FAM193A: variants seen among roughly 807,000 people sequenced by gnomAD.
FAM193A encodes protein FAM193A.
Under a neutral mutation model 126.5 loss-of-function variants are expected in FAM193A, and 22 were observed. The observed-to-expected ratio is 0.17, with a 90% CI of 0.12 to 0.25. The LOEUF (loss-of-function observed/expected upper bound fraction) is 0.25, where lower values mean the gene tolerates loss of function less well. FAM193A is among the 10% of genes least tolerant of loss of function. The probability of loss-of-function intolerance (pLI) is 1.00; values close to 1 mark genes in which losing one functional copy is unlikely to be tolerated. For missense variants in FAM193A, 1,675 were observed against 1,672.8 expected (o/e 1.00, Z -0.02); for synonymous variants, 761 against 646.8 (o/e 1.18, Z -2.68).
chr4:2,639,521 A>T lies in FAM193A; in HGVS notation c.1039-214A>T, dbSNP rs1327559714. Among the ~76,000 whole-genome samples, 3 of 151,874 alleles carry T rather than the reference A, an allele frequency of 2.0e-5. 1 individual carries two copies. Among genetic ancestry groups the T allele is most frequent in the Admixed American group, 2.0e-4 (3 of 15,232 alleles). On this transcript the variant is annotated intron_variant, in intron 5 of 20. Coordinates refer to ENST00000637812, the MANE Select transcript of FAM193A (RefSeq NM_001366318.2). ...CCATTTTAGAGGGGAGATGTGCTGA[A>T]ATCCATGTCCGTGTAGTCAGAGTTC...
At chr4:2,729,722 C>T (rs1721167158) in intron 20 of FAM193A, among the ~76,000 whole-genome samples, 1 of 152,178 alleles carries the variant, frequency 6.6e-6, no homozygotes, top group Admixed American at 6.5e-5. Flanking sequence ...GCCATGCTCC[C>T]ACCACAGCCT....
chr4:2,647,002 G>T (rs1289445319), intron 7 of FAM193A, among the ~76,000 whole-genome samples, 170 bp downstream of exon 7: 1 of 152,258 alleles, frequency 6.6e-6, no homozygotes, highest in Admixed American at 6.5e-5. Flanking sequence ...TTCCGGAAGG[G>T]ATGGGAAACC....
chr4:2,591,636 T>C (rs184289135), intron 1 of FAM193A, among the ~76,000 whole-genome samples: 1 of 152,338 alleles, frequency 6.6e-6, no homozygotes, highest in Admixed American at 6.5e-5. Flanking sequence ...ACCTTTTTTC[T>C]TCATGTTTAT....
rs61731409 is a variant in FAM193A, at chr4:2,662,949, C to T, written c.1857C>T (p.Ser619=). Residue 619 remains serine (S), a synonymous_variant, in exon 11 of 21, where the codon AGC becomes AGT. Coordinates refer to ENST00000637812, the MANE Select transcript of FAM193A (RefSeq NM_001366318.2). ...TGGCCAACATGAATGGAATCCACAG[C>T]GAATTGAATGGTGGCGGGGAAAACA... ...EVVANMNGIH[S]ELNGGGENMA... The T allele has an allele frequency of 7.3e-5, 118 of 1,613,226 alleles. No homozygotes were observed. Among genetic ancestry groups the T allele is most frequent in the South Asian group, 2.6e-4 (24 of 91,054 alleles).
intron 1 of FAM193A, among the ~76,000 whole-genome samples, chr4:2,560,976 C>G (rs1482932877): frequency 1.3e-5 from 2 of 152,112 alleles, no homozygotes; most frequent in African/African-American, 2.4e-5. Flanking sequence ...TGGCACATGA[C>G]TGTGATATCC....
intron 1 of FAM193A, among the ~76,000 whole-genome samples, chr4:2,560,674 A>T (rs531771153): frequency 2.5e-4 from 38 of 152,304 alleles, no homozygotes; most frequent in African/African-American, 8.9e-4. Flanking sequence ...TGCAGAATTT[A>T]TGTGTAGTAC....
In FAM193A at chr4:2,608,072, G is replaced by C. The variant is rs927054224; in HGVS notation, c.501+11743G>C. On this transcript the variant is annotated intron_variant, in intron 2 of 20. Transcript: ENST00000637812. Reference sequence around the variant, plus strand: ...CATAAATTGCAGAGTGTAAGGTGAAGCCGGCCTGATTCACTCCCAGATTAG... The same window carrying C: ...CATAAATTGCAGAGTGTAAGGTGAACCCGGCCTGATTCACTCCCAGATTAG... The C allele has an allele frequency of 3.1e-6, 5 of 1,609,608 alleles. No individual in the cohort carries two copies. The African/African-American group carries it at 6.7e-5, about 22-fold the overall frequency.
chr4:2,599,065 C>G (rs1741040041), intron 2 of FAM193A, among the ~76,000 whole-genome samples: 1 of 152,188 alleles, frequency 6.6e-6, no homozygotes, highest in Admixed American at 6.5e-5. Context: ...AGGAGAAAGG[C>G]ATGTTTCCTT....
At chr4:2,644,305 C>T (rs1402519213) in intron 6 of FAM193A, among the ~76,000 whole-genome samples, 1 of 152,044 alleles carries the variant, frequency 6.6e-6, no homozygotes, top group African/African-American at 2.4e-5. Context: ...CCAGGAGGAG[C>T]GGGACAAGGA....
intron 5 of FAM193A, among the ~76,000 whole-genome samples, chr4:2,636,859 C>T (rs958744603): frequency 5.9e-5 from 9 of 152,206 alleles, no homozygotes; most frequent in African/African-American, 2.2e-4. Flanking sequence ...TTCTGAACAG[C>T]ACCCCCATTC....
chr4:2,670,023 G>C (rs1312511383), intron 12 of FAM193A, among the ~76,000 whole-genome samples: 1 of 152,104 alleles, frequency 6.6e-6, no homozygotes, highest in Non-Finnish European at 1.5e-5. Flanking sequence ...GGAGTGTCCA[G>C]GTGTTATTTG....
chr4:2,725,450 CAA>C (rs71644355), intron 20 of FAM193A, among the ~76,000 whole-genome samples: 2,076 of 31,500 alleles, frequency 0.066, 28 homozygotes, highest in African/African-American at 0.17. Flanking sequence ...ACCCTGTCTC[CAA>C]AAAAAAAAAA....
In FAM193A at chr4:2,659,980, C is replaced by T. The variant is rs61731403; in HGVS notation, c.1671C>T (p.Ser557=). 1.3e-3 allele frequency: 2,022 copies of T among 1,614,102 alleles called. 6 individuals are homozygous for T. The highest frequency in any genetic ancestry group is 8.2e-3 in the African/African-American group (613 of 75,004). Residue 557 remains serine (S), a synonymous_variant, in exon 10 of 21, where the codon TCC becomes TCT. Transcript: ENST00000637812. ...GTGTGTCATCTGCAAGCTCGGGGTC[C>T]GGCTCCAGCTCTCCCATCACAATTC... ...PPSVSSASSG[S]GSSSPITIQQ...
chr4:2,699,333 G>A (rs902728329), intron 18 of FAM193A, among the ~76,000 whole-genome samples: 5 of 152,094 alleles, frequency 3.3e-5, no homozygotes, highest in African/African-American at 4.8e-5. Flanking sequence ...GCACCTGTGA[G>A]GGGGTAGCTG....
At chr4:2,599,648 G>A (rs866271590) in intron 2 of FAM193A, among the ~76,000 whole-genome samples, 87 of 152,104 alleles carry the variant, frequency 5.7e-4, no homozygotes, top group African/African-American at 1.8e-3. Flanking sequence ...AGACATAGTC[G>A]TGCCTGGAAA....
In FAM193A at chr4:2,714,579, C is replaced by T. The variant is rs1023526729; in HGVS notation, c.4373-1444C>T. On this transcript the variant is annotated intron_variant, in intron 19 of 20. Coordinates refer to ENST00000637812, the MANE Select transcript of FAM193A (RefSeq NM_001366318.2). ...TGCCCTCAGGGATACAGTTGGGATC[C>T]GAGATAGCCAAGGCTGTCATAGAGC... Among the ~76,000 whole-genome samples the T allele has an allele frequency of 7.9e-5, 12 of 152,156 alleles. 1 individual carries two copies. Among genetic ancestry groups the T allele is most frequent in the Admixed American group, 2.0e-4 (3 of 15,266 alleles).
intron 2 of FAM193A, among the ~76,000 whole-genome samples, chr4:2,596,936 C>T (rs1051306498): frequency 5.3e-5 from 8 of 152,146 alleles, no homozygotes; most frequent in Non-Finnish European, 1.0e-4. Context: ...TGCTTGAAAG[C>T]GGCTAATTAT....
chr4:2,671,417 C>G (rs1334112937), intron 12 of FAM193A, among the ~76,000 whole-genome samples: 4 of 152,146 alleles, frequency 2.6e-5, no homozygotes, highest in East Asian at 1.9e-4. Context: ...TTTTTGGTAG[C>G]AGGGTTGGTT....
At chr4:2,607,858 T>G (rs1577068323) in intron 2 of FAM193A, 5 of 639,528 alleles carry the variant, frequency 7.8e-6, no homozygotes, top group African/African-American at 1.9e-5. Context: ...GTAGCAGCTC[T>G]TTATTGGTTG....
Sources: gnomAD v4.1 joint callset for allele counts (sites outside exome capture counted in the v4.1 genomes callset) on GRCh38, gnomAD v4.1.1 for gene constraint, MANE v1.5 for transcripts, NCBI Gene and HGNC (gene_info 2026-07-23, HGNC 2026-07-21) for gene names.